PCDHGB3: variants seen among roughly 807,000 people sequenced by gnomAD.
PCDHGB3 encodes the protein protocadherin gamma subfamily B, 3.
Under a neutral mutation model 59.2 loss-of-function variants are expected in PCDHGB3, and 40 were observed. The observed-to-expected ratio is 0.68, with a 90% CI of 0.52 to 0.88. The LOEUF (loss-of-function observed/expected upper bound fraction) is 0.88. PCDHGB3 is among the 40% of genes least tolerant of loss of function. The probability of loss-of-function intolerance (pLI) is 0.00; values close to 1 mark genes in which losing one functional copy is unlikely to be tolerated. For synonymous variants in PCDHGB3, 581 were observed against 503.6 expected (o/e 1.15, Z -2.06); for missense variants, 1,309 against 1,187.9 (o/e 1.10, Z -1.50).
chr5:141,373,195 T>C (rs1018941457), intron 1 of PCDHGB3, among the ~76,000 whole-genome samples: 1 of 152,262 alleles, frequency 6.6e-6, no homozygotes, highest in African/African-American at 2.4e-5. Context: ...ACATTATGTA[T>C]ATCTTAACAC....
intron 2 of PCDHGB3, among the ~76,000 whole-genome samples, chr5:141,498,976 GGAAGGAAGGAAGGAA>G (rs1562186940): frequency 1.5e-4 from 2 of 13,010 alleles, no homozygotes; most frequent in Admixed American, 2.9e-3. Context: ...AGGGAGGGAA[GGAAGGAAGGAAGGAA>G]GGAAGGAAGG....
At chr5:141,435,884 C>G (rs1020738994) in intron 1 of PCDHGB3, among the ~76,000 whole-genome samples, 9 of 152,070 alleles carry the variant, frequency 5.9e-5, no homozygotes, top group African/African-American at 1.9e-4. Flanking sequence ...ATTGGAAACC[C>G]CTTAGAGAAT....
At chr5:141,413,528 T>C in intron 1 of PCDHGB3, 1 of 1,613,834 alleles carries the variant, frequency 6.2e-7, no homozygotes, top group Non-Finnish European at 8.5e-7. Context: ...GAAGACAGGG[T>C]GAAACTTTTT....
chr5:141,409,213 C>T (rs1379007048), intron 1 of PCDHGB3: 1 of 1,613,994 alleles, frequency 6.2e-7, no homozygotes, highest in Admixed American at 1.7e-5. Context: ...TCATAGAAAT[C>T]CTTGATGAAA....
In PCDHGB3 at chr5:141,490,499, A is replaced by G. The variant is rs1269710790; in HGVS notation, c.2416-4308A>G. On this transcript the variant is annotated intron_variant, in intron 1 of 3. Coordinates refer to ENST00000576222, the MANE Select transcript of PCDHGB3 (RefSeq NM_018924.5). The surrounding 1 kb of genome is among the most constrained non-coding windows in gnomAD (Gnocchi z 5.4). ...TTGGACCGGGAGGCCACATCCCACT[A>G]TATCATCGAGCTGCTGGCCAGCGAT... 1.2e-6 allele frequency: 2 copies of G among 1,614,148 alleles called. No homozygotes were observed. Among genetic ancestry groups the G allele is most frequent in the Non-Finnish European group, 8.5e-7 (1 of 1,180,020 alleles).
intron 1 of PCDHGB3, chr5:141,410,503 A>G: frequency 6.2e-7 from 1 of 1,613,958 alleles, no homozygotes; most frequent in Non-Finnish European, 8.5e-7. Context: ...TTAATTTCCT[A>G]AAATGCAGTG....
At chr5:141,450,919 G>A (rs1489017891) in intron 1 of PCDHGB3, among the ~76,000 whole-genome samples, 2 of 151,024 alleles carry the variant, frequency 1.3e-5, no homozygotes, top group African/African-American at 4.9e-5. Context: ...CTGCCTCCCA[G>A]ATTCAAGCAA....
intron 1 of PCDHGB3, chr5:141,395,547 TGTGTGTGTGTGTGTGTG>T (rs2093270399): frequency 1.4e-4 from 25 of 174,246 alleles, no homozygotes; most frequent in Middle Eastern, 2.2e-3. Context: ...ATTGTTTGTG[TGTGTGTGTGTGTGTGTG>T]TGTGTGTGTG....
At chr5:141,374,307 T>A in intron 1 of PCDHGB3, 1 of 1,613,922 alleles carries the variant, frequency 6.2e-7, no homozygotes, top group Non-Finnish European at 8.5e-7. Context: ...ATGCAGCTTT[T>A]CTCTCTGAAT....
chr5:141,475,486 T>G (rs576743657), intron 1 of PCDHGB3, among the ~76,000 whole-genome samples: 1 of 152,252 alleles, frequency 6.6e-6, no homozygotes, highest in Non-Finnish European at 1.5e-5. Flanking sequence ...TGGTAAGAGA[T>G]AAAACTGAAA....
intron 1 of PCDHGB3, chr5:141,415,423 G>A: frequency 1.2e-6 from 2 of 1,614,204 alleles, no homozygotes; most frequent in Non-Finnish European, 1.7e-6. Context: ...CGTGGACGGG[G>A]TTCGGGCTTT....
chr5:141,483,501 G>A (rs1022338958), intron 1 of PCDHGB3, among the ~76,000 whole-genome samples: 2 of 150,394 alleles, frequency 1.3e-5, no homozygotes, highest in Admixed American at 1.3e-4. Context: ...ATGAGTCAAG[G>A]CTGATCCCCC....
chr5:141,404,564 G>A, intron 1 of PCDHGB3: 1 of 1,613,890 alleles, frequency 6.2e-7, no homozygotes. Flanking sequence ...AAGTGACAGT[G>A]GAAGCCCACC....
chr5:141,460,592 G>C (rs796171299), intron 1 of PCDHGB3, among the ~76,000 whole-genome samples: 12 of 151,976 alleles, frequency 7.9e-5, no homozygotes, highest in African/African-American at 2.9e-4. Flanking sequence ...GTTTTTTCTG[G>C]GCTCTCTGTG....
chr5:141,428,794 T>C (rs2097161574), intron 1 of PCDHGB3: 1 of 152,852 alleles, frequency 6.5e-6, no homozygotes, highest in African/African-American at 2.4e-5. Context: ...CCTTTCTGTG[T>C]GGGCCAGTAA....
In PCDHGB3 at chr5:141,415,309, G is replaced by A. The variant is rs199689792; in HGVS notation, c.2415+42500G>A. ...GGTCTCCTGCGTCTTCCTGGCCTTC[G>A]TCATCGTGCTGCTGGCGCACAGGCT... is the stretch of plus-strand genomic sequence containing the variant. On this transcript the variant is annotated intron_variant, in intron 1 of 3. Coordinates refer to ENST00000576222, the MANE Select transcript of PCDHGB3 (RefSeq NM_018924.5). 2.7e-5 allele frequency: 44 copies of A among 1,614,216 alleles called. No homozygotes were observed. In the Middle Eastern group the frequency reaches 8.2e-4, roughly 30 times the overall value.
Position 141,372,133 on chromosome 5 carries a change from G to A in PCDHGB3, c.1739G>A (p.Arg580His), listed in dbSNP as rs576893125. Reference sequence around the variant, plus strand: ...TCTGCGCTCTTCGATATGGTGCCGCGCTCTGCAGAGCCTGGCTACCTGGTG... The same window carrying A: ...TCTGCGCTCTTCGATATGGTGCCGCACTCTGCAGAGCCTGGCTACCTGGTG... ...EGSALFDMVP[R>H]SAEPGYLVTK... The change falls in exon 1 of 4, where the codon CGC (arginine) becomes CAC (histidine). Residue 580 changes from arginine (R) to histidine (H), a missense_variant. Physicochemically the swap from Arg to His is conservative, Grantham distance 29 (BLOSUM62 0). Coordinates refer to ENST00000576222, the MANE Select transcript of PCDHGB3 (RefSeq NM_018924.5). 1.4e-5 allele frequency: 23 copies of A among 1,613,666 alleles called. No individual in the cohort carries two copies. The East Asian group carries it at 5.1e-4, about 36-fold the overall frequency.
chr5:141,414,181 A>G, intron 1 of PCDHGB3: 2 of 1,609,294 alleles, frequency 1.2e-6, no homozygotes, highest in South Asian at 1.1e-5. Context: ...TGCAACTGCA[A>G]AAGTGTTGAT....
rs192631651 is a variant in PCDHGB3, at chr5:141,432,052, C to G, written c.2415+59243C>G. On this transcript the variant is annotated intron_variant, in intron 1 of 3. Transcript: ENST00000576222. The surrounding 1 kb of genome is among the most constrained non-coding windows in gnomAD (Gnocchi z 6.0). Reference sequence around the variant, plus strand: ...CCGCCACTGACCGGGGAACCCCGCCCCTATCCACGGAAACTCATATCTCGC... The same window carrying G: ...CCGCCACTGACCGGGGAACCCCGCCGCTATCCACGGAAACTCATATCTCGC... The G allele has an allele frequency of 8.1e-6, 13 of 1,614,226 alleles. No homozygotes were observed. In the Admixed American group the frequency reaches 1.8e-4, roughly 23 times the overall value.
Sources: gnomAD v4.1 joint callset for allele counts (sites outside exome capture counted in the v4.1 genomes callset) on GRCh38, gnomAD v4.1.1 for gene constraint, Gnocchi (gnomAD v3.1) non-coding constraint, MANE v1.5 for transcripts, NCBI Gene and HGNC (gene_info 2026-07-23, HGNC 2026-07-21) for gene names.